RNF38: variants seen among roughly 807,000 people sequenced by gnomAD.
RNF38 encodes the protein ring finger protein 38, also known as E3 ubiquitin-protein ligase RNF38.
RNF38 carries 15 observed loss-of-function variants against 67.2 expected under a neutral mutation model. The observed-to-expected ratio is 0.22, with a 90% CI of 0.15 to 0.34. The LOEUF (loss-of-function observed/expected upper bound fraction) is 0.34, where lower values mean the gene tolerates loss of function less well. Among genes scored for constraint, RNF38 ranks in the 10% least tolerant of loss-of-function variants. The pLI is 1.00. For synonymous variants in RNF38, 220 were observed against 218.8 expected (o/e 1.01, Z -0.05); for missense variants, 524 against 639.9 (o/e 0.82, Z 1.95).
rs765399702 is a variant in RNF38, at chr9:36,339,554, C to T, written c.*198G>A. ...AAAAGTCTTTGGAGTTCCAATCACA[C>T]GGTTAGTATAACAATCCCATAACTG... On this transcript the variant is annotated 3_prime_UTR_variant, in exon 12 of 12. Coordinates refer to ENST00000259605, the MANE Select transcript of RNF38 (RefSeq NM_022781.5). The T allele has an allele frequency of 2.4e-5, 12 of 501,694 alleles. No homozygotes were observed. Among genetic ancestry groups the T allele is most frequent in the South Asian group, 3.7e-5 (1 of 27,364 alleles). The allele number at this position is 501,694 out of a possible 1,614,324, so 31.1% of individuals were successfully genotyped here.
intron 1 of RNF38, among the ~76,000 whole-genome samples, chr9:36,391,472 C>A (rs1400143629): frequency 1.3e-5 from 2 of 151,966 alleles, no homozygotes; most frequent in African/African-American, 4.8e-5. Context: ...GTGGTCCCTT[C>A]TTGTACCTAC....
intron 4 of RNF38, among the ~76,000 whole-genome samples, chr9:36,366,220 G>A (rs1360183967): frequency 6.6e-6 from 1 of 151,956 alleles, no homozygotes; most frequent in Non-Finnish European, 1.5e-5. Context: ...TAAAAAATAA[G>A]AACACTTAAT....
chr9:36,342,182 T>TTTC, intron 11 of RNF38, 143 bp downstream of exon 11: 1 of 384,632 alleles, frequency 2.6e-6, no homozygotes, highest in Non-Finnish European at 4.4e-6. Flanking sequence ...TTACTGGCCT[T>TTTC]TTCTCATTTG....
At chr9:36,347,192 T>G (rs1244228203) in intron 9 of RNF38, among the ~76,000 whole-genome samples, 1 of 147,520 alleles carries the variant, frequency 6.8e-6, no homozygotes, top group Non-Finnish European at 1.5e-5. Flanking sequence ...ATATAAAATT[T>G]AGATAAAATT....
At chr9:36,425,627 A>G (rs1329971315) in intron 1 of RNF38, among the ~76,000 whole-genome samples, 1 of 152,168 alleles carries the variant, frequency 6.6e-6, no homozygotes, top group East Asian at 1.9e-4. Context: ...CCGGGAAACA[A>G]GAGGTTGCAG....
At chr9:36,405,199 G>A (rs1182203091), upstream of RNF38, among the ~76,000 whole-genome samples, 4 of 152,044 alleles carry the variant, frequency 2.6e-5, no homozygotes, top group Admixed American at 6.6e-5. Context: ...CCCAGGAGGC[G>A]GAGGTTGCAG....
At chr9:36,423,225 C>A (rs1450256781) in intron 2 of RNF38, among the ~76,000 whole-genome samples, 1 of 152,152 alleles carries the variant, frequency 6.6e-6, no homozygotes, top group Non-Finnish European at 1.5e-5. Flanking sequence ...AAAAATGAAA[C>A]TCATGTCTCT....
chr9:36,446,743 G>A (rs1839309344), intron 1 of RNF38, among the ~76,000 whole-genome samples: 1 of 143,756 alleles, frequency 7.0e-6, no homozygotes, highest in Non-Finnish European at 1.5e-5. Context: ...AGGAGGCAGA[G>A]GTTGCAGTGA....
intron 8 of RNF38, among the ~76,000 whole-genome samples, chr9:36,351,649 G>C (rs1350157590): frequency 6.6e-6 from 1 of 152,116 alleles, no homozygotes; most frequent in Non-Finnish European, 1.5e-5. Context: ...GGGAGAGAGA[G>C]GAAGGAAGGA....
At chr9:36,341,451 AT>A (rs908033404) in intron 11 of RNF38, among the ~76,000 whole-genome samples, 10 of 151,942 alleles carry the variant, frequency 6.6e-5, no homozygotes, top group African/African-American at 1.9e-4. Flanking sequence ...ATTTGACTAT[AT>A]TTTTTTTATA....
chr9:36,400,921 C>T (rs527797527), upstream of RNF38: 1 of 984,016 alleles, frequency 1.0e-6, no homozygotes, highest in South Asian at 4.6e-5. Flanking sequence ...CGCGCCCCGC[C>T]GCACCCCGCC....
chr9:36,370,923 G>C (rs1835333549), intron 3 of RNF38, among the ~76,000 whole-genome samples: 2 of 151,788 alleles, frequency 1.3e-5, no homozygotes, highest in Non-Finnish European at 1.5e-5. Flanking sequence ...AAAAAAGAGA[G>C]GGAGAGAATT....
intron 6 of RNF38, among the ~76,000 whole-genome samples, chr9:36,354,572 G>A (rs1173315408): frequency 6.6e-6 from 1 of 152,160 alleles, no homozygotes; most frequent in Non-Finnish European, 1.5e-5. Flanking sequence ...ATGCTTTCAA[G>A]GCTCATCTGT....
At chr9:36,438,327 A>AC (rs993826169) in intron 1 of RNF38, among the ~76,000 whole-genome samples, 1 of 152,050 alleles carries the variant, frequency 6.6e-6, no homozygotes, top group Non-Finnish European at 1.5e-5. Context: ...CCAACCCGTG[A>AC]CCCATGGGCT....
intron 2 of RNF38, among the ~76,000 whole-genome samples, chr9:36,407,803 G>C (rs1838218808): frequency 6.6e-6 from 1 of 152,054 alleles, no homozygotes; most frequent in South Asian, 2.1e-4. Context: ...TGGAGACCCA[G>C]AGCACAAAAA....
intron 4 of RNF38, 35 bp downstream of exon 4, chr9:36,369,684 A>T: frequency 6.8e-7 from 1 of 1,474,124 alleles, no homozygotes. Context: ...ACAAAATTTC[A>T]GCTTCTGTAT....
intron 9 of RNF38, among the ~76,000 whole-genome samples, chr9:36,345,226 T>C (rs551642691): frequency 6.6e-5 from 10 of 152,240 alleles, no homozygotes; most frequent in African/African-American, 2.4e-4. Context: ...TCTAAACACA[T>C]ACAAAAGGAG....
intron 2 of RNF38, among the ~76,000 whole-genome samples, chr9:36,387,942 C>T (rs1480254090): frequency 6.6e-6 from 1 of 151,798 alleles, no homozygotes; most frequent in Non-Finnish European, 1.5e-5. Flanking sequence ...AGGAGACAAG[C>T]TGCAGTATAG....
intron 1 of RNF38, among the ~76,000 whole-genome samples, chr9:36,392,386 T>C (rs1401217293): frequency 1.3e-5 from 2 of 152,220 alleles, no homozygotes; most frequent in Non-Finnish European, 2.9e-5. Flanking sequence ...GAAGTATGCA[T>C]TGCTGAATCA....
Sources: gnomAD v4.1 joint callset for allele counts (sites outside exome capture counted in the v4.1 genomes callset) on GRCh38, gnomAD v4.1.1 for gene constraint, MANE v1.5 for transcripts, NCBI Gene and HGNC (gene_info 2026-07-23, HGNC 2026-07-21) for gene names.